SYTL2: variants seen among roughly 807,000 people sequenced by gnomAD.
SYTL2 encodes the protein synaptotagmin-like protein 2.
Under a neutral mutation model 198.7 loss-of-function variants are expected in SYTL2, and 165 were observed. That is an observed-to-expected ratio of 0.83 (90% CI 0.73 to 0.94). The LOEUF (loss-of-function observed/expected upper bound fraction) is 0.94. Among genes scored for constraint, SYTL2 ranks in the 40% least tolerant of loss-of-function variants. The probability of loss-of-function intolerance (pLI) is 0.00; values close to 1 mark genes in which losing one functional copy is unlikely to be tolerated. For missense variants in SYTL2, 2,835 were observed against 2,582.8 expected (o/e 1.10, Z -2.12); for synonymous variants, 966 against 917.7 (o/e 1.05, Z -0.95).
the SYTL2 span, among the ~76,000 whole-genome samples, chr11:85,833,082 A>C: frequency 2.2e-5 from 1 of 44,900 alleles, no homozygotes; most frequent in African/African-American, 7.8e-5. Context: ...AAAGAAAGAA[A>C]GAAAGAAAGA....
intron 16 of SYTL2, among the ~76,000 whole-genome samples, chr11:85,701,058 T>C (rs1016907464): frequency 3.3e-5 from 5 of 152,232 alleles, no homozygotes; most frequent in African/African-American, 1.2e-4. Flanking sequence ...CTGATTATTT[T>C]AGGCCAAATG....
chr11:85,735,951 T>C (rs887057997), intron 6 of SYTL2, among the ~76,000 whole-genome samples: 1 of 152,246 alleles, frequency 6.6e-6, no homozygotes, highest in Non-Finnish European at 1.5e-5. Flanking sequence ...TGGAATCTTC[T>C]TCAAGTTGCT....
intron 1 of SYTL2, among the ~76,000 whole-genome samples, chr11:85,793,612 T>G (rs1312932777): frequency 1.3e-5 from 2 of 152,232 alleles, no homozygotes; most frequent in Non-Finnish European, 2.9e-5. Flanking sequence ...AAATTTAATT[T>G]GAGATATCTC....
chr11:85,739,466 GA>G (rs968108438), intron 4 of SYTL2, among the ~76,000 whole-genome samples: 3 of 152,104 alleles, frequency 2.0e-5, no homozygotes, highest in Non-Finnish European at 4.4e-5. Flanking sequence ...AAACTGGGAT[GA>G]GGGGGGATAC....
the SYTL2 span, among the ~76,000 whole-genome samples, chr11:85,837,745 G>A: frequency 1.3e-5 from 2 of 152,146 alleles, no homozygotes; most frequent in Non-Finnish European, 2.9e-5. Context: ...TCCTCCCTCA[G>A]AATGGAGCCT....
intron 11 of SYTL2, chr11:85,715,178 T>A (rs879719154): frequency 6.6e-6 from 1 of 152,198 alleles, no homozygotes; most frequent in Non-Finnish European, 1.5e-5. Flanking sequence ...ATGTAGCATA[T>A]GTCTTCTTTC....
In SYTL2 at chr11:85,748,424, C is replaced by G; in HGVS notation, c.102-1G>C. 6.2e-7 allele frequency: 1 copy of G among 1,613,548 alleles called. No homozygotes were observed. On this transcript the variant is annotated splice_acceptor_variant, in intron 2 of 19. Transcript: ENST00000359152. LOFTEE classifies it high-confidence loss of function. ...ATCCTTAATTTTTTCAGGCAAATGTCTACAAAAGGAAAAGATCTTTAGTTT... is the reference window on the plus strand; with the variant it reads ...ATCCTTAATTTTTTCAGGCAAATGTGTACAAAAGGAAAAGATCTTTAGTTT...
upstream of SYTL2, among the ~76,000 whole-genome samples, chr11:85,811,720 T>C (rs941659772): frequency 1.3e-5 from 2 of 152,236 alleles, no homozygotes; most frequent in African/African-American, 4.8e-5. Flanking sequence ...ATGCACTGCC[T>C]GAGCTACTTA....
chr11:85,805,431 A>G (rs975770315), intron 1 of SYTL2, among the ~76,000 whole-genome samples: 2 of 152,236 alleles, frequency 1.3e-5, no homozygotes, highest in African/African-American at 4.8e-5. Context: ...TAAGAAATCT[A>G]ACACAATACA....
intron 2 of SYTL2, among the ~76,000 whole-genome samples, chr11:85,750,417 A>G (rs2091443326): frequency 6.6e-6 from 1 of 152,106 alleles, no homozygotes; most frequent in Non-Finnish European, 1.5e-5. Flanking sequence ...CAGCTCAAAC[A>G]CTGCCTCACT....
At chr11:85,728,169 A>T (rs2089429942) in intron 7 of SYTL2, 4 of 526,770 alleles carry the variant, frequency 7.6e-6, no homozygotes, top group Non-Finnish European at 1.3e-5. Flanking sequence ...ACAGTAAAGG[A>T]AAGGAAATGT....
rs777673314 is a variant in SYTL2 at position 85,727,510 on chromosome 11, C to A, written c.1848G>T (p.Met616Ile). Residue 616 changes from methionine to isoleucine, a missense_variant, in exon 8 of 20, where the codon ATG (methionine) becomes ATT (isoleucine). Coordinates refer to ENST00000359152, the MANE Select transcript of SYTL2 (RefSeq NM_206927.4). ...DNNVNIKSKF[M>I]NLSQKGTPKE... ...TTGGGGTGCCTTTTTGGGACAAATTCATGAATTTGGATTTGATATTCACAT... is the reference window on the plus strand; with the variant it reads ...TTGGGGTGCCTTTTTGGGACAAATTAATGAATTTGGATTTGATATTCACAT... 17 of 1,536,028 alleles carry A rather than the reference C, an allele frequency of 1.1e-5. No individual in the cohort carries two copies. The South Asian group carries it at 1.8e-4, about 16-fold the overall frequency.
At chr11:85,806,415 T>C (rs935386771) in intron 1 of SYTL2, among the ~76,000 whole-genome samples, 9 of 152,362 alleles carry the variant, frequency 5.9e-5, no homozygotes, top group African/African-American at 2.2e-4. Flanking sequence ...AAATACTGTA[T>C]GTAGTGACTT....
At chr11:85,699,123 T>C (rs1457162487) in intron 17 of SYTL2, among the ~76,000 whole-genome samples, 1 of 152,242 alleles carries the variant, frequency 6.6e-6, no homozygotes, top group Non-Finnish European at 1.5e-5. Context: ...GAAATGTTTA[T>C]AGTTATGTTG....
the SYTL2 span, among the ~76,000 whole-genome samples, chr11:85,846,900 A>G: frequency 1.3e-5 from 2 of 151,180 alleles, no homozygotes; most frequent in Admixed American, 1.3e-4. Flanking sequence ...ACACCCAGCT[A>G]ATTTTGTATT....
At position 85,707,415 on chromosome 11, in the gene SYTL2, G is replaced by T; in HGVS notation, c.6018+14C>A. ...ACCATCTAGGATTTTCCTATAGAGA[G>T]AGTTCATAGATACCCGCAGTATTTC... On this transcript the variant is annotated intron_variant, in intron 15 of 19. Coordinates refer to ENST00000359152, the MANE Select transcript of SYTL2 (RefSeq NM_206927.4). 6.4e-7 allele frequency: 1 copy of T among 1,573,096 alleles called. No homozygotes were observed. The highest frequency in any genetic ancestry group is 8.7e-7 in the Non-Finnish European group (1 of 1,143,100).
chr11:85,828,579 CAAAGG>C, the SYTL2 span, among the ~76,000 whole-genome samples: 1 of 152,192 alleles, frequency 6.6e-6, no homozygotes, highest in Non-Finnish European at 1.5e-5. Context: ...GCACCAGTTA[CAAAGG>C]AAAACTACCT....
intron 1 of SYTL2, among the ~76,000 whole-genome samples, chr11:85,808,799 G>A (rs966108675): frequency 1.3e-5 from 2 of 151,736 alleles, no homozygotes; most frequent in African/African-American, 4.8e-5. Flanking sequence ...AGTTTGGTAA[G>A]CCCTAAGACA....
At chr11:85,778,439 C>T (rs559615239) in intron 1 of SYTL2, among the ~76,000 whole-genome samples, 7 of 152,218 alleles carry the variant, frequency 4.6e-5, no homozygotes, top group Non-Finnish European at 1.0e-4. Context: ...TCCATCACAA[C>T]AGTACCCGGT....
Sources: gnomAD v4.1 joint callset for allele counts (sites outside exome capture counted in the v4.1 genomes callset) on GRCh38, gnomAD v4.1.1 for gene constraint, MANE v1.5 for transcripts, NCBI Gene and HGNC (gene_info 2026-07-23, HGNC 2026-07-21) for gene names.